EXOC4: variants seen among roughly 807,000 people sequenced by gnomAD.
The protein encoded by EXOC4 is SEC8-like 1.
In EXOC4, 71 loss-of-function variants were observed where a neutral mutation model predicts 107.2. That is an observed-to-expected ratio of 0.66 (90% CI 0.55 to 0.81). The LOEUF (loss-of-function observed/expected upper bound fraction) is 0.81, where lower values mean the gene tolerates loss of function less well. Among genes scored for constraint, EXOC4 ranks in the 30% least tolerant of loss-of-function variants. The pLI is 0.00. For missense variants in EXOC4, 1,108 were observed against 1,189.6 expected (o/e 0.93, Z 1.01); for synonymous variants, 456 against 441.2 (o/e 1.03, Z -0.42).
intron 10 of EXOC4, among the ~76,000 whole-genome samples, chr7:133,752,187 A>G (rs1342943328): frequency 6.6e-6 from 1 of 152,112 alleles, no homozygotes; most frequent in African/African-American, 2.4e-5. Context: ...AAAGACCATT[A>G]TCTAAAATTT....
chr7:133,980,466 A>G (rs1472896860), intron 14 of EXOC4, among the ~76,000 whole-genome samples: 1 of 152,244 alleles, frequency 6.6e-6, no homozygotes, highest in Non-Finnish European at 1.5e-5. Flanking sequence ...AGTCACTTCA[A>G]TAAACAGGTT....
At chr7:133,550,543 A>G (rs1800565346) in intron 9 of EXOC4, among the ~76,000 whole-genome samples, 1 of 152,212 alleles carries the variant, frequency 6.6e-6, no homozygotes, top group African/African-American at 2.4e-5. Context: ...CTTTTGCTCA[A>G]AAGTAATGGC....
At chr7:133,465,790 A>AC (rs1284722393) in intron 7 of EXOC4, among the ~76,000 whole-genome samples, 1 of 152,214 alleles carries the variant, frequency 6.6e-6, no homozygotes, top group African/African-American at 2.4e-5. Flanking sequence ...TACCATGGGT[A>AC]ACAGAAGAAA....
At chr7:133,782,466 A>G (rs1170074938) in intron 10 of EXOC4, among the ~76,000 whole-genome samples, 1 of 152,214 alleles carries the variant, frequency 6.6e-6, no homozygotes, top group Non-Finnish European at 1.5e-5. Context: ...TGCTCCCTGC[A>G]TGTTGATTTT....
chr7:133,545,255 G>A (rs1027149052), intron 9 of EXOC4, among the ~76,000 whole-genome samples: 2 of 151,702 alleles, frequency 1.3e-5, no homozygotes, highest in Non-Finnish European at 2.9e-5. Context: ...CCTACCTCTG[G>A]GAATCATACT....
Position 133,343,267 on chromosome 7 carries a change from C to A in EXOC4, c.764-13063C>A, listed in dbSNP as rs889089022. 4.6e-5 allele frequency among the ~76,000 whole-genome samples: 7 copies of A among 152,148 alleles called. No individual in the cohort carries two copies. In the South Asian group the frequency reaches 1.5e-3, roughly 32 times the overall value. On this transcript the variant is annotated intron_variant, in intron 5 of 17. Transcript: ENST00000253861. ...CCCTATGGTTGGGGCTTCCTGAGAG[C>A]TGGACTGCTGTGATTGTTATTGCTC...
At chr7:133,538,518 T>A (rs1800316498) in intron 9 of EXOC4, among the ~76,000 whole-genome samples, 1 of 152,054 alleles carries the variant, frequency 6.6e-6, no homozygotes, top group Admixed American at 6.6e-5. Flanking sequence ...AATACATGTA[T>A]GAAAAAGGAT....
At chr7:133,895,478 A>G in intron 11 of EXOC4, 121 bp from the exon 12 acceptor site, 1 of 1,026,484 alleles carries the variant, frequency 9.7e-7, no homozygotes, top group Non-Finnish European at 1.4e-6. Context: ...ATATTTCAAA[A>G]TGTCACATTC....
At chr7:133,574,258 CAT>C (rs1191360871) in intron 9 of EXOC4, among the ~76,000 whole-genome samples, 2 of 151,878 alleles carry the variant, frequency 1.3e-5, no homozygotes, top group Admixed American at 1.3e-4. Context: ...ATCATATACT[CAT>C]GTATAATTAT....
At chr7:133,832,653 A>G (rs1477598160) in intron 11 of EXOC4, among the ~76,000 whole-genome samples, 1 of 152,246 alleles carries the variant, frequency 6.6e-6, no homozygotes, top group African/African-American at 2.4e-5. Context: ...CTTATCATTG[A>G]ATAATATTCC....
At chr7:133,744,362 A>G (rs1795631279) in intron 10 of EXOC4, among the ~76,000 whole-genome samples, 1 of 152,138 alleles carries the variant, frequency 6.6e-6, no homozygotes, top group Non-Finnish European at 1.5e-5. Flanking sequence ...AAAGTGAGTA[A>G]TAGAGCCAGG....
At chr7:133,898,150 T>C (rs1799364048) in intron 12 of EXOC4, among the ~76,000 whole-genome samples, 1 of 152,080 alleles carries the variant, frequency 6.6e-6, no homozygotes, top group Non-Finnish European at 1.5e-5. Context: ...ACATTTAAAA[T>C]AGTGATTTTT....
At chr7:133,480,269 T>A in intron 9 of EXOC4, 131 bp downstream of exon 9, 1 of 1,491,526 alleles carries the variant, frequency 6.7e-7, no homozygotes, top group South Asian at 1.3e-5. Context: ...ATAATTTGTT[T>A]CTTCTGTAAT....
At chr7:133,926,017 T>C (rs1440485468) in intron 13 of EXOC4, among the ~76,000 whole-genome samples, 1 of 123,368 alleles carries the variant, frequency 8.1e-6, no homozygotes, top group African/African-American at 3.3e-5. Context: ...CACACCTGCC[T>C]AGGCAACAGA....
chr7:133,389,408 T>C (rs1796800293), intron 7 of EXOC4, among the ~76,000 whole-genome samples: 1 of 151,600 alleles, frequency 6.6e-6, no homozygotes, highest in South Asian at 2.1e-4. Flanking sequence ...CTGTCTCTAC[T>C]AAAAATACAA....
At chr7:133,276,098 C>T (rs1002392565) in intron 2 of EXOC4, among the ~76,000 whole-genome samples, 1 of 151,928 alleles carries the variant, frequency 6.6e-6, no homozygotes, top group South Asian at 2.1e-4. Flanking sequence ...TCTCTTCCTT[C>T]CTTTCTTCCT....
chr7:134,079,974 C>A, the EXOC4 span, among the ~76,000 whole-genome samples: 2 of 152,180 alleles, frequency 1.3e-5, no homozygotes, highest in South Asian at 4.1e-4. Flanking sequence ...CTGATCACGC[C>A]AAGATCTAGA....
chr7:133,382,671 T>C (rs1238518631), intron 7 of EXOC4, among the ~76,000 whole-genome samples: 2 of 152,196 alleles, frequency 1.3e-5, no homozygotes, highest in Admixed American at 6.5e-5. Flanking sequence ...AATAGAGTTA[T>C]AAGTGTTTAG....
At chr7:133,686,769 C>T (rs952677276) in intron 10 of EXOC4, among the ~76,000 whole-genome samples, 17 of 151,992 alleles carry the variant, frequency 1.1e-4, no homozygotes, top group African/African-American at 4.1e-4. Context: ...GGAATGTAAA[C>T]TAGTACAACC....
Sources: allele counts gnomAD v4.1 joint callset (sites outside exome capture counted in the v4.1 genomes callset), GRCh38; gene constraint gnomAD v4.1.1; transcripts MANE v1.5; gene names NCBI Gene and HGNC (gene_info 2026-07-23, HGNC 2026-07-21).